HYDIN: variants seen among roughly 807,000 people sequenced by gnomAD.
The protein encoded by HYDIN is axonemal central pair apparatus protein HYDIN.
A neutral mutation model predicts 403.9 loss-of-function variants in HYDIN; 132 were observed. That is an observed-to-expected ratio of 0.33 (90% CI 0.28 to 0.38). The LOEUF (loss-of-function observed/expected upper bound fraction) is 0.38, where lower values mean the gene tolerates loss of function less well. Ranked by LOEUF, HYDIN falls within the 10% of genes least tolerant of loss-of-function variation. The probability of loss-of-function intolerance (pLI) is 1.00; values close to 1 mark genes in which losing one functional copy is unlikely to be tolerated. For synonymous variants in HYDIN, 1,202 were observed against 1,891.7 expected (o/e 0.64, Z 9.46); for missense variants, 2,827 against 5,009.5 (o/e 0.56, Z 13.15).
intron 1 of HYDIN, among the ~76,000 whole-genome samples, chr16:71,191,915 TC>T (rs2087455417): frequency 6.6e-6 from 1 of 152,246 alleles, no homozygotes; most frequent in Middle Eastern, 3.4e-3. Context: ...ACCTATGACT[TC>T]TCTTTCCTCA....
chr16:71,066,661 A>C, intron 15 of HYDIN: 1 of 329,314 alleles, frequency 3.0e-6, no homozygotes, highest in Non-Finnish European at 6.0e-6. Flanking sequence ...CCTCATCAGC[A>C]GTACTGCAAT....
chr16:71,004,450 A>T (rs2079830852), intron 23 of HYDIN, among the ~76,000 whole-genome samples: 1 of 152,138 alleles, frequency 6.6e-6, no homozygotes, highest in Non-Finnish European at 1.5e-5. Context: ...GTTCTACTGA[A>T]ATTTTTCCTG....
intron 36 of HYDIN, among the ~76,000 whole-genome samples, chr16:70,966,273 C>T (rs1287003230): frequency 6.6e-6 from 1 of 151,804 alleles, no homozygotes; most frequent in Admixed American, 6.6e-5. Context: ...TTCCACAGAG[C>T]CTGACTCTTG....
chr16:70,932,996 T>C (rs2077392438), intron 45 of HYDIN, among the ~76,000 whole-genome samples: 1 of 151,910 alleles, frequency 6.6e-6, no homozygotes, highest in Non-Finnish European at 1.5e-5. Flanking sequence ...TTTCCTTCCA[T>C]GGATATTAAA....
chr16:71,043,942 A>AAGAG lies in HYDIN; in HGVS notation c.2530-12029_2530-12026dup, dbSNP rs77323675. 3.5e-4 allele frequency among the ~76,000 whole-genome samples: 53 copies of AAGAG among 149,364 alleles called. No individual in the cohort carries two copies. In the East Asian group the frequency reaches 3.7e-3, roughly 11 times the overall value. The stretch of plus-strand genomic sequence containing the variant: ...CATCTAAAAAAAAAAGAAAGAAAGA[A>AAGAG]AGAGAGAGAGAGAGAGAGGGAGAGG... On this transcript the variant is annotated intron_variant, in intron 18 of 85. Coordinates refer to ENST00000393567, the MANE Select transcript of HYDIN (RefSeq NM_001270974.2).
chr16:71,199,781 G>T (rs970776382), intron 1 of HYDIN, among the ~76,000 whole-genome samples: 2 of 152,060 alleles, frequency 1.3e-5, no homozygotes, highest in African/African-American at 4.8e-5. Flanking sequence ...TTCAGAAAAG[G>T]AATTTTTTTA....
intron 39 of HYDIN, among the ~76,000 whole-genome samples, chr16:70,957,382 A>G (rs563090928): frequency 6.7e-6 from 1 of 148,478 alleles, no homozygotes; most frequent in South Asian, 2.1e-4. Flanking sequence ...GCTGGAGTGC[A>G]ATGGCACGAT....
intron 58 of HYDIN, among the ~76,000 whole-genome samples, chr16:70,886,647 C>T (rs1391478450): frequency 1.3e-5 from 2 of 152,094 alleles, no homozygotes; most frequent in African/African-American, 4.8e-5. Flanking sequence ...TTGAGAAAGT[C>T]GATTTTCCAT....
In HYDIN at chr16:71,199,455, C is replaced by T. The variant is rs542588867; in HGVS notation, c.-23-12537G>A. Among the ~76,000 whole-genome samples, 8 of 152,300 alleles carry T rather than the reference C, an allele frequency of 5.3e-5. No individual in the cohort carries two copies. The East Asian group carries it at 1.4e-3, about 26-fold the overall frequency. ...CATTATCCCCAAAAGGCTGCCCATC[C>T]ACTTAAGTCTCACAGCTCTTCCTTG... On this transcript the variant is annotated intron_variant, in intron 1 of 85. Transcript: ENST00000393567.
At chr16:70,881,540 A>G (rs971839261) in intron 60 of HYDIN, among the ~76,000 whole-genome samples, 2 of 146,568 alleles carry the variant, frequency 1.4e-5, no homozygotes, top group African/African-American at 5.4e-5. Flanking sequence ...CCTGGGAGGC[A>G]GAGCTTGCAG....
intron 9 of HYDIN, among the ~76,000 whole-genome samples, chr16:71,122,660 C>G (rs1003758458): frequency 7.5e-6 from 1 of 134,056 alleles, no homozygotes; most frequent in Non-Finnish European, 1.6e-5. Flanking sequence ...ATAAAGTAAA[C>G]TAAATTTGAG....
intron 1 of HYDIN, among the ~76,000 whole-genome samples, chr16:71,198,370 T>C (rs1035671307): frequency 1.2e-4 from 18 of 152,202 alleles, no homozygotes; most frequent in African/African-American, 2.2e-4. Context: ...TCAGAGTCTA[T>C]ATCTAGGAAA....
chr16:70,834,814 C>G (rs2037260754), intron 78 of HYDIN, among the ~76,000 whole-genome samples: 1 of 151,316 alleles, frequency 6.6e-6, no homozygotes, highest in Non-Finnish European at 1.5e-5. Flanking sequence ...CACCAGTGCA[C>G]TCCAGCCTGG....
At chr16:71,181,309 G>T (rs2086894950) in intron 3 of HYDIN, among the ~76,000 whole-genome samples, 1 of 151,486 alleles carries the variant, frequency 6.6e-6, no homozygotes, top group Non-Finnish European at 1.5e-5. Flanking sequence ...AAGATAGGAG[G>T]ATTTGCTATA....
intron 6 of HYDIN, among the ~76,000 whole-genome samples, chr16:71,162,105 T>A (rs971633324): frequency 1.4e-5 from 2 of 145,536 alleles, no homozygotes; most frequent in Non-Finnish European, 3.0e-5. Context: ...TTTAGCCCAG[T>A]GCAACTTCTG....
At position 70,807,712 on chromosome 16, in the gene HYDIN, T is replaced by C; in HGVS notation, c.15234A>G (p.Thr5078=). 17 of 1,614,164 alleles carry C rather than the reference T, an allele frequency of 1.1e-5. No homozygotes were observed. Among genetic ancestry groups the C allele is most frequent in the Non-Finnish European group, 1.4e-5 (17 of 1,180,028 alleles). Residue 5078 remains threonine (T), a synonymous_variant, in exon 86 of 86, where the codon ACA becomes ACG. Coordinates refer to ENST00000393567, the MANE Select transcript of HYDIN (RefSeq NM_001270974.2). ...CAGATGGGTTTCCTTCAAAGGAGACTGTGATGTTGTTGATCTTCTTGGGCC... is the reference window on the plus strand; with the variant it reads ...CAGATGGGTTTCCTTCAAAGGAGACCGTGATGTTGTTGATCTTCTTGGGCC... The part of the protein sequence containing the change: ...SVRPKKINNI[T]VSFEGNPSGS...
chr16:70,825,294 C>T (rs1052324126), intron 83 of HYDIN, among the ~76,000 whole-genome samples: 17 of 151,712 alleles, frequency 1.1e-4, no homozygotes, highest in African/African-American at 3.4e-4. Context: ...TTTTCTGAAA[C>T]GTTGCTCTAA....
At chr16:70,920,425 G>A (rs943015523) in intron 46 of HYDIN, among the ~76,000 whole-genome samples, 166 bp downstream of exon 46, 9 of 151,652 alleles carry the variant, frequency 5.9e-5, no homozygotes, top group African/African-American at 2.2e-4. Context: ...CTCTTGCCAA[G>A]TAGAAAAGGT....
chr16:70,867,242 A>G (rs1219345392), intron 66 of HYDIN, among the ~76,000 whole-genome samples: 4 of 148,718 alleles, frequency 2.7e-5, no homozygotes, highest in Non-Finnish European at 2.9e-5. Flanking sequence ...CTTATTTGTG[A>G]TCAGAGATCA....
Sources: gnomAD v4.1 joint callset for allele counts (sites outside exome capture counted in the v4.1 genomes callset) on GRCh38, gnomAD v4.1.1 for gene constraint, MANE v1.5 for transcripts, NCBI Gene and HGNC (gene_info 2026-07-23, HGNC 2026-07-21) for gene names.